NSG2: variants seen among roughly 807,000 people sequenced by gnomAD.
The protein encoded by NSG2 is neuronal vesicle trafficking associated 2, also known as neuronal vesicle trafficking-associated protein 2.
A neutral mutation model predicts 16.9 loss-of-function variants in NSG2; 4 were observed. That is an observed-to-expected ratio of 0.24 (90% CI 0.12 to 0.54). NSG2 has a LOEUF of 0.54. Among genes scored for constraint, NSG2 ranks in the 20% least tolerant of loss-of-function variants. The pLI is 0.95. For synonymous variants in NSG2, 98 were observed against 88.7 expected (o/e 1.11, Z -0.59); for missense variants, 179 against 221.1 (o/e 0.81, Z 1.21).
intron 3 of NSG2, among the ~76,000 whole-genome samples, chr5:174,067,110 G>T (rs1285795941): frequency 6.6e-6 from 1 of 151,772 alleles, no homozygotes; most frequent in East Asian, 1.9e-4. Flanking sequence ...ATGCTTTCTA[G>T]GATTGGAGCT....
At chr5:174,046,660 C>A in intron 1 of NSG2, 74 bp from the exon 2 acceptor site, 2 of 1,384,580 alleles carry the variant, frequency 1.4e-6, no homozygotes, top group South Asian at 1.2e-5. Context: ...GAGGACAGTG[C>A]TATTTTCTCT....
At chr5:174,068,458 TA>T (rs1164397190) in intron 3 of NSG2, among the ~76,000 whole-genome samples, 1 of 152,232 alleles carries the variant, frequency 6.6e-6, no homozygotes, top group African/African-American at 2.4e-5. Context: ...AGGGGTTCTC[TA>T]AAACTGATTT....
intron 2 of NSG2, among the ~76,000 whole-genome samples, chr5:174,052,170 C>G (rs1398171370): frequency 6.6e-6 from 1 of 152,090 alleles, no homozygotes; most frequent in Admixed American, 6.6e-5. Flanking sequence ...ATTAGTGTCC[C>G]CCAAAACAGG....
At chr5:174,071,097 G>A (rs1561665703) in intron 3 of NSG2, among the ~76,000 whole-genome samples, 1 of 152,210 alleles carries the variant, frequency 6.6e-6, no homozygotes, top group Admixed American at 6.5e-5. Context: ...ACATCCAGTG[G>A]GGAGAAGCTG....
intron 3 of NSG2, among the ~76,000 whole-genome samples, chr5:174,092,249 C>T (rs1397960053): frequency 6.6e-6 from 1 of 152,246 alleles, no homozygotes; most frequent in African/African-American, 2.4e-5. Flanking sequence ...AGGGGGAGGG[C>T]TTTCAGCCCC....
intron 2 of NSG2, among the ~76,000 whole-genome samples, chr5:174,049,049 A>C (rs892674592): frequency 6.6e-6 from 1 of 152,092 alleles, no homozygotes; most frequent in African/African-American, 2.4e-5. Flanking sequence ...GTAAAAAAAA[A>C]CCGCAAGAGG....
intron 2 of NSG2, among the ~76,000 whole-genome samples, chr5:174,051,633 C>T (rs923253704): frequency 6.6e-6 from 1 of 152,218 alleles, no homozygotes; most frequent in African/African-American, 2.4e-5. Context: ...GAGCCAGGCA[C>T]TGTGCTAGGC....
intron 3 of NSG2, among the ~76,000 whole-genome samples, chr5:174,087,747 C>T (rs773019062): frequency 6.6e-6 from 1 of 151,480 alleles, no homozygotes; most frequent in African/African-American, 2.4e-5. Context: ...AAGATCGCAC[C>T]ACTGCACTCC....
chr5:174,082,873 T>G (rs1157045198), intron 3 of NSG2, among the ~76,000 whole-genome samples: 1 of 152,120 alleles, frequency 6.6e-6, no homozygotes, highest in Non-Finnish European at 1.5e-5. Flanking sequence ...TCAATTTCCA[T>G]CCAAGCTGCC....
intron 3 of NSG2, among the ~76,000 whole-genome samples, chr5:174,081,093 T>G (rs1411755951): frequency 1.3e-5 from 2 of 152,158 alleles, no homozygotes; most frequent in African/African-American, 4.8e-5. Context: ...GTATATTTAT[T>G]TGCCTCCAGT....
At chr5:174,066,253 C>T (rs1197539407) in intron 3 of NSG2, 5 of 456,268 alleles carry the variant, frequency 1.1e-5, no homozygotes, top group Non-Finnish European at 1.8e-5. Context: ...GACCCAGCTG[C>T]GTACAAGTAC....
intron 3 of NSG2, among the ~76,000 whole-genome samples, chr5:174,100,470 C>T (rs569892252): frequency 3.3e-5 from 5 of 152,298 alleles, no homozygotes; most frequent in East Asian, 1.9e-4. Context: ...TGGTTACACA[C>T]GGTAATTACC....
intron 2 of NSG2, among the ~76,000 whole-genome samples, chr5:174,063,623 T>G (rs1440288634): frequency 1.3e-5 from 2 of 151,816 alleles, no homozygotes; most frequent in African/African-American, 4.8e-5. Flanking sequence ...TATATATTTT[T>G]GGGGTACAGG....
At chr5:174,075,589 G>A (rs1472021510) in intron 3 of NSG2, among the ~76,000 whole-genome samples, 1 of 152,174 alleles carries the variant, frequency 6.6e-6, no homozygotes, top group Non-Finnish European at 1.5e-5. Flanking sequence ...AAGGGAAAAA[G>A]AGAAGCGACA....
intron 3 of NSG2, among the ~76,000 whole-genome samples, chr5:174,080,525 TTC>T (rs72447938): frequency 0.049 from 6,084 of 125,152 alleles, 208 homozygotes; most frequent in Middle Eastern, 0.083. Flanking sequence ...CTTTCTTTCT[TTC>T]TCTCTCTCTC....
In NSG2 at chr5:174,097,723, CTG is replaced by C. The variant is rs531135091; in HGVS notation, c.214-6497_214-6496del. 1.2e-3 allele frequency among the ~76,000 whole-genome samples: 174 copies of C among 145,666 alleles called. 1 individual carries two copies. The Middle Eastern group carries it at 0.03, about 25-fold the overall frequency. On this transcript the variant is annotated intron_variant, in intron 3 of 4. Transcript: ENST00000303177. ...TGTGTCTTTTTGTGTGTGTTTGTCT[CTG>C]TGTGTGTCTCTGTGTCTGTGTGTGT...
intron 3 of NSG2, chr5:174,066,299 C>A (rs1380658915): frequency 2.2e-6 from 1 of 455,564 alleles, no homozygotes; most frequent in East Asian, 6.9e-5. Context: ...TGAATGAGCA[C>A]AGAGCTTGCA....
chr5:174,101,781 T>G (rs1037907750), intron 3 of NSG2, among the ~76,000 whole-genome samples: 9 of 152,216 alleles, frequency 5.9e-5, no homozygotes, highest in Non-Finnish European at 1.2e-4. Flanking sequence ...TCCAAACACA[T>G]GTTGATCATG....
At chr5:174,085,827 G>T (rs1469631095) in intron 3 of NSG2, among the ~76,000 whole-genome samples, 1 of 152,210 alleles carries the variant, frequency 6.6e-6, no homozygotes, top group Non-Finnish European at 1.5e-5. Flanking sequence ...GACTCCACCT[G>T]ACCTGGCTGT....
Sources: gnomAD v4.1 joint callset for allele counts (sites outside exome capture counted in the v4.1 genomes callset) on GRCh38, gnomAD v4.1.1 for gene constraint, MANE v1.5 for transcripts, NCBI Gene and HGNC (gene_info 2026-07-23, HGNC 2026-07-21) for gene names.